Variants in TASP1 observed in about 807,000 individuals in gnomAD.
The protein encoded by TASP1 is taspase 1.
A neutral mutation model predicts 56.6 loss-of-function variants in TASP1; 16 were observed. That is an observed-to-expected ratio of 0.28 (90% CI 0.19 to 0.43). TASP1 has a LOEUF of 0.43. TASP1 is among the 20% of genes least tolerant of loss of function. TASP1 has a pLI of 1.00. For synonymous variants in TASP1, 179 were observed against 184.2 expected, an observed-to-expected ratio of 0.97 and a Z score of 0.23; for missense variants, 393 against 511.6, an observed-to-expected ratio of 0.77 and a Z score of 2.24.
the TASP1 span, among the ~76,000 whole-genome samples, chr20:13,323,025 C>G: frequency 6.6e-6 from 1 of 152,120 alleles, no homozygotes; most frequent in Admixed American, 6.5e-5. Flanking sequence ...TCCTTCCTGA[C>G]TTCCAGAACA....
At chr20:13,371,271 A>T in the TASP1 span, among the ~76,000 whole-genome samples, 1 of 151,170 alleles carries the variant, frequency 6.6e-6, no homozygotes, top group Non-Finnish European at 1.5e-5. Flanking sequence ...TTGATATGGG[A>T]TCTTTCTTCT....
intron 12 of TASP1, among the ~76,000 whole-genome samples, chr20:13,426,484 A>C (rs1395977818): frequency 6.6e-6 from 1 of 152,168 alleles, no homozygotes; most frequent in African/African-American, 2.4e-5. Context: ...CTCATGATGG[A>C]GAAGAAAATT....
At chr20:13,291,793 T>G in the TASP1 span, among the ~76,000 whole-genome samples, 1 of 152,186 alleles carries the variant, frequency 6.6e-6, no homozygotes, top group Non-Finnish European at 1.5e-5. Flanking sequence ...AGACAAAGAA[T>G]GAGCTAGACA....
At chr20:13,411,080 G>A (rs537553982) in intron 13 of TASP1, among the ~76,000 whole-genome samples, 2 of 152,268 alleles carry the variant, frequency 1.3e-5, no homozygotes, top group South Asian at 2.1e-4. Flanking sequence ...ATTTATTGAA[G>A]AGGGCGTCCC....
At chr20:13,482,627 G>C (rs1227777498) in intron 11 of TASP1, among the ~76,000 whole-genome samples, 1 of 152,048 alleles carries the variant, frequency 6.6e-6, no homozygotes, top group Non-Finnish European at 1.5e-5. Context: ...TTTCTAAGTA[G>C]TGAACTTTTG....
chr20:13,484,334 T>C (rs972131391), intron 10 of TASP1, among the ~76,000 whole-genome samples: 12 of 152,268 alleles, frequency 7.9e-5, no homozygotes, highest in African/African-American at 2.9e-4. Context: ...TATAAATCAT[T>C]CTACTATAAA....
At chr20:13,511,234 G>A (rs1176135253) in intron 10 of TASP1, among the ~76,000 whole-genome samples, 1 of 150,300 alleles carries the variant, frequency 6.7e-6, no homozygotes, top group Non-Finnish European at 1.5e-5. Flanking sequence ...AGATCTTTTT[G>A]TGATGAGTTT....
intron 5 of TASP1, among the ~76,000 whole-genome samples, chr20:13,583,930 T>C (rs534496155): frequency 4.9e-4 from 74 of 152,106 alleles, no homozygotes; most frequent in African/African-American, 1.8e-3. Flanking sequence ...AATATAAAAA[T>C]TAGCCAGGCG....
chr20:13,272,280 C>T, the TASP1 span, among the ~76,000 whole-genome samples: 310 of 152,304 alleles, frequency 2.0e-3, 2 homozygotes, highest in Non-Finnish European at 3.4e-3. Context: ...GATCAGGTTT[C>T]GTTGACCTGA....
intron 11 of TASP1, among the ~76,000 whole-genome samples, chr20:13,437,302 TCAA>T: frequency 6.6e-6 from 1 of 152,234 alleles, no homozygotes; most frequent in Non-Finnish European, 1.5e-5. Flanking sequence ...TTGACAAAAT[TCAA>T]CAACGCTTCA....
Position 13,612,067 on chromosome 20 carries a change from T to C in TASP1, c.282+11379A>G, listed in dbSNP as rs545867558. Among the ~76,000 whole-genome samples the C allele has an allele frequency of 1.2e-4, 19 of 152,324 alleles. No homozygotes were observed. In the East Asian group the frequency reaches 3.5e-3, roughly 28 times the overall value. ...TACAGGTTTCAGGCAAAATAGCTCT[T>C]TGACACAAATGACAGTCCTAACAAC... On this transcript the variant is annotated intron_variant, in intron 4 of 13. Coordinates refer to ENST00000337743, the MANE Select transcript of TASP1 (RefSeq NM_017714.3).
At chr20:13,272,290 A>T in the TASP1 span, among the ~76,000 whole-genome samples, 1 of 152,184 alleles carries the variant, frequency 6.6e-6, no homozygotes, top group Non-Finnish European at 1.5e-5. Flanking sequence ...CGTTGACCTG[A>T]GTTGTTTTGC....
intron 8 of TASP1, among the ~76,000 whole-genome samples, chr20:13,553,885 T>C (rs1213424760): frequency 3.3e-5 from 5 of 152,184 alleles, no homozygotes; most frequent in Non-Finnish European, 5.9e-5. Context: ...CCTCAAGCCA[T>C]GAACTATGAG....
At chr20:13,434,992 TTTCTTGGAAAAAAAAATAGAAAGA>T in intron 12 of TASP1, 28 bp downstream of exon 12, 7 of 1,380,176 alleles carry the variant, frequency 5.1e-6, no homozygotes, top group Non-Finnish European at 2.0e-6. Context: ...ATTTTCATTT[TTTCTTGGAAAAAAAAATAGAAAGA>T]CACACACAAT....
At chr20:13,465,264 T>A (rs1027191879) in intron 11 of TASP1, among the ~76,000 whole-genome samples, 29 of 151,544 alleles carry the variant, frequency 1.9e-4, no homozygotes, top group Non-Finnish European at 4.0e-4. Context: ...ACAATTTTTT[T>A]AAAAAGCAGA....
At chr20:13,394,011 T>A (rs1316717263) in intron 13 of TASP1, among the ~76,000 whole-genome samples, 3 of 152,178 alleles carry the variant, frequency 2.0e-5, no homozygotes, top group African/African-American at 7.2e-5. Context: ...ACGGGCGTGG[T>A]GGCTCACGCC....
the TASP1 span, among the ~76,000 whole-genome samples, chr20:13,242,058 G>A: frequency 1.3e-5 from 2 of 152,184 alleles, no homozygotes; most frequent in African/African-American, 4.8e-5. Context: ...ATCTCAATGA[G>A]TTTTAAAACT....
chr20:13,214,350 T>C, the TASP1 span, among the ~76,000 whole-genome samples: 1 of 152,186 alleles, frequency 6.6e-6, no homozygotes, highest in Admixed American at 6.5e-5. Flanking sequence ...TTCAGCTGTG[T>C]TCTCTTAAGC....
chr20:13,452,413 T>TA lies in TASP1; in HGVS notation c.986-17260dup, dbSNP rs1240789170. Among the ~76,000 whole-genome samples the TA allele has an allele frequency of 2.1e-3, 293 of 139,076 alleles. 2 individuals carry two copies. The highest frequency in any genetic ancestry group is 4.1e-3 in the South Asian group (18 of 4,374). The allele number at this position is 139,076 out of a possible 152,430, so 91.2% of individuals were successfully genotyped here. On this transcript the variant is annotated intron_variant, in intron 11 of 13. Coordinates refer to ENST00000337743, the MANE Select transcript of TASP1 (RefSeq NM_017714.3). The stretch of plus-strand genomic sequence containing the variant: ...CCCAAGCAGTGTGATACACATACAT[T>TA]AAAAAAAAAAAAAAATTCCTGAAAA...
Sources: gnomAD v4.1 joint callset for allele counts (sites outside exome capture counted in the v4.1 genomes callset) on GRCh38, gnomAD v4.1.1 for gene constraint, MANE v1.5 for transcripts, NCBI Gene and HGNC (gene_info 2026-07-23, HGNC 2026-07-21) for gene names.